Variants in PTPRD observed in about 807,000 individuals in gnomAD.
PTPRD encodes receptor-type tyrosine-protein phosphatase delta.
Under a neutral mutation model 214.5 loss-of-function variants are expected in PTPRD, and 34 were observed. That is an observed-to-expected ratio of 0.16 (90% CI 0.12 to 0.21). PTPRD has a LOEUF of 0.21. PTPRD is among the 10% of genes least tolerant of loss of function. PTPRD has a pLI of 1.00. For missense variants in PTPRD, 2,545 were observed against 2,398.7 expected (o/e 1.06, Z -1.27); for synonymous variants, 1,128 against 845.7 (o/e 1.33, Z -5.79).
chr9:9,480,989 G>A (rs1000079751), intron 8 of PTPRD, among the ~76,000 whole-genome samples: 2 of 152,034 alleles, frequency 1.3e-5, no homozygotes, highest in South Asian at 2.1e-4. Flanking sequence ...TGGGCCCTAC[G>A]TTATCTGTTG....
intron 7 of PTPRD, among the ~76,000 whole-genome samples, chr9:9,671,206 T>C (rs972873218): frequency 6.6e-6 from 1 of 152,146 alleles, no homozygotes; most frequent in Non-Finnish European, 1.5e-5. Context: ...GGAGATCATT[T>C]TGGAGCTTTA....
rs776085586 is a variant in PTPRD, at chr9:8,317,838, G to C, written c.*36C>G. On this transcript the variant is annotated 3_prime_UTR_variant, in exon 46 of 46. Transcript: ENST00000381196. ...AGAAGAGACTCCATGGATATTGAAGGGCCTGTAGTAAAAATCCAGAATGGG... is the reference window on the plus strand; with the variant it reads ...AGAAGAGACTCCATGGATATTGAAGCGCCTGTAGTAAAAATCCAGAATGGG... The C allele has an allele frequency of 1.1e-5, 17 of 1,591,132 alleles. No individual in the cohort carries two copies. Among genetic ancestry groups the C allele is most frequent in the Non-Finnish European group, 1.4e-5 (16 of 1,160,088 alleles).
chr9:8,375,981 T>C lies in PTPRD; in HGVS notation c.4616A>G (p.Lys1539Arg), dbSNP rs1355062501. The C allele has an allele frequency of 6.2e-7, 1 of 1,612,936 alleles. No homozygotes were observed. The change falls in exon 39 of 46, where the codon AAA (lysine) becomes AGA (arginine). Residue 1539 changes from lysine (K) to arginine (R), a missense_variant. Physicochemically the swap from Lys to Arg is conservative, Grantham distance 26. Coordinates refer to ENST00000381196, the MANE Select transcript of PTPRD (RefSeq NM_002839.4). ...TPFLAFLRRV[K>R]TCNPPDAGPM... ...ACCAGCATCGGGAGGGTTACAGGTTTTGACTCTACGTAAGAAAGCTAGAAA... is the reference window on the plus strand; with the variant it reads ...ACCAGCATCGGGAGGGTTACAGGTTCTGACTCTACGTAAGAAAGCTAGAAA...
intron 3 of PTPRD, among the ~76,000 whole-genome samples, chr9:10,276,934 A>G (rs556705006): frequency 3.3e-5 from 5 of 152,224 alleles, no homozygotes; most frequent in Admixed American, 6.5e-5. Context: ...ATGCGAGAAC[A>G]TATCAGTGGG....
intron 10 of PTPRD, among the ~76,000 whole-genome samples, chr9:9,170,853 G>C (rs1400416248): frequency 6.6e-6 from 1 of 152,142 alleles, no homozygotes; most frequent in African/African-American, 2.4e-5. Context: ...TGGAGAATGA[G>C]AGTAGGAGGG....
intron 10 of PTPRD, among the ~76,000 whole-genome samples, chr9:9,143,960 A>G (rs1404502771): frequency 6.6e-6 from 1 of 152,072 alleles, no homozygotes; most frequent in Non-Finnish European, 1.5e-5. Context: ...ATGTTTAGGT[A>G]TTTTCCCCCT....
At chr9:8,830,575 C>G (rs367940309) in intron 11 of PTPRD, among the ~76,000 whole-genome samples, 1 of 152,134 alleles carries the variant, frequency 6.6e-6, no homozygotes, top group Non-Finnish European at 1.5e-5. Context: ...GGACCATGAT[C>G]ATCTCAAAAC....
At chr9:8,578,973 G>A (rs1032826564) in intron 14 of PTPRD, among the ~76,000 whole-genome samples, 3 of 152,146 alleles carry the variant, frequency 2.0e-5, no homozygotes, top group Non-Finnish European at 4.4e-5. Flanking sequence ...TATTAAGCTG[G>A]ATTTATAAAT....
intron 39 of PTPRD, among the ~76,000 whole-genome samples, chr9:8,360,373 C>A (rs1160983037): frequency 6.6e-6 from 1 of 152,160 alleles, no homozygotes; most frequent in Non-Finnish European, 1.5e-5. Context: ...AATAAGAGTT[C>A]TTAGTCCCAA....
chr9:8,675,939 T>G (rs980855041), intron 12 of PTPRD, among the ~76,000 whole-genome samples: 16 of 152,208 alleles, frequency 1.1e-4, no homozygotes, highest in Non-Finnish European at 1.9e-4. Context: ...AATGTGCTCC[T>G]GGTCCCTGAC....
At chr9:8,993,049 A>G (rs1005437906) in intron 11 of PTPRD, among the ~76,000 whole-genome samples, 7 of 152,206 alleles carry the variant, frequency 4.6e-5, no homozygotes, top group African/African-American at 1.7e-4. Flanking sequence ...AAAGATGGCT[A>G]CAGTTGATCA....
intron 2 of PTPRD, among the ~76,000 whole-genome samples, chr9:10,461,000 G>A (rs560704109): frequency 1.3e-5 from 2 of 152,046 alleles, no homozygotes; most frequent in African/African-American, 4.8e-5. Flanking sequence ...TAACAAATAA[G>A]GGGTTAATAT....
intron 30 of PTPRD, among the ~76,000 whole-genome samples, chr9:8,476,258 T>C (rs1375472483): frequency 6.6e-6 from 1 of 152,192 alleles, no homozygotes; most frequent in Admixed American, 6.5e-5. Flanking sequence ...GCCGGCAACC[T>C]AAATCCCTCA....
chr9:9,770,036 CT>C (rs1445868713), intron 5 of PTPRD, among the ~76,000 whole-genome samples: 1 of 152,150 alleles, frequency 6.6e-6, no homozygotes, highest in Non-Finnish European at 1.5e-5. Flanking sequence ...GGTCCCAAGT[CT>C]TTGCTATTGT....
chr9:9,356,567 A>G (rs1408163718), intron 9 of PTPRD, among the ~76,000 whole-genome samples: 1 of 151,446 alleles, frequency 6.6e-6, no homozygotes, highest in Non-Finnish European at 1.5e-5. Flanking sequence ...CATTTTCTCC[A>G]TTTCAATCAC....
chr9:9,407,953 G>A (rs1311279563), intron 8 of PTPRD, among the ~76,000 whole-genome samples: 1 of 151,752 alleles, frequency 6.6e-6, no homozygotes, highest in African/African-American at 2.4e-5. Context: ...TACTTGGAAA[G>A]TGGAAGACTT....
chr9:9,366,019 A>C (rs1236269171), intron 9 of PTPRD, among the ~76,000 whole-genome samples: 2 of 151,462 alleles, frequency 1.3e-5, no homozygotes, highest in East Asian at 3.9e-4. Flanking sequence ...TATTCTGAGT[A>C]AAATTCTGCC....
chr9:9,534,614 TACTA>T (rs1159484687), intron 8 of PTPRD, among the ~76,000 whole-genome samples: 1 of 152,096 alleles, frequency 6.6e-6, no homozygotes, highest in Non-Finnish European at 1.5e-5. Context: ...ACGTTTTATT[TACTA>T]ACTAAGCTTT....
intron 8 of PTPRD, among the ~76,000 whole-genome samples, chr9:9,411,038 T>A (rs1019629790): frequency 2.7e-5 from 4 of 150,352 alleles, no homozygotes; most frequent in African/African-American, 9.9e-5. Context: ...CTGCAAAACC[T>A]CTTTGTGTGT....
Sources: allele counts gnomAD v4.1 joint callset (sites outside exome capture counted in the v4.1 genomes callset), GRCh38; gene constraint gnomAD v4.1.1; transcripts MANE v1.5; gene names NCBI Gene and HGNC (gene_info 2026-07-23, HGNC 2026-07-21).